The following DGKI variants were observed in gnomAD, a reference collection of about 807,000 sequenced individuals.
DGKI encodes diacylglycerol kinase iota, also known as DAG kinase iota.
A neutral mutation model predicts 147.5 loss-of-function variants in DGKI; 55 were observed. The observed-to-expected ratio is 0.37, with a 90% CI of 0.30 to 0.47. DGKI has a LOEUF of 0.47. Ranked by LOEUF, DGKI falls within the 20% of genes least tolerant of loss-of-function variation. The pLI is 1.00. For missense variants in DGKI, 1,007 were observed against 1,323.8 expected, an observed-to-expected ratio of 0.76 and a Z score of 3.71; for synonymous variants, 469 against 477.1, an observed-to-expected ratio of 0.98 and a Z score of 0.22.
chr7:137,442,979 T>C (rs957966292), intron 28 of DGKI, among the ~76,000 whole-genome samples: 1 of 152,072 alleles, frequency 6.6e-6, no homozygotes, highest in African/African-American at 2.4e-5. Flanking sequence ...AAACCATCTA[T>C]ATGGCAAAAG....
intron 19 of DGKI, among the ~76,000 whole-genome samples, chr7:137,557,300 AG>A (rs1333756533): frequency 7.0e-6 from 1 of 142,126 alleles, no homozygotes; most frequent in African/African-American, 2.8e-5. Context: ...TGGAAAGAAC[AG>A]GGGCAATGGA....
chr7:137,493,292 C>T (rs1287090280), intron 21 of DGKI, among the ~76,000 whole-genome samples: 1 of 152,194 alleles, frequency 6.6e-6, no homozygotes, highest in East Asian at 1.9e-4. Context: ...ACTATTACTG[C>T]CACTTGCAAA....
At position 137,465,891 on chromosome 7, in the gene DGKI, A is replaced by G; in HGVS notation, c.2612+17T>C. The G allele has an allele frequency of 1.2e-6, 2 of 1,612,590 alleles. No homozygotes were observed. The highest frequency in any genetic ancestry group is 1.7e-6 in the Non-Finnish European group (2 of 1,179,286). On this transcript the variant is annotated intron_variant, in intron 26 of 32. Transcript: ENST00000614521. Reference sequence around the variant, plus strand: ...CACCCTAAGGCCAGCCTCACAGGCCAGGAGAAGCACACTCACCCCGAGGCT... The same window carrying G: ...CACCCTAAGGCCAGCCTCACAGGCCGGGAGAAGCACACTCACCCCGAGGCT...
At chr7:137,440,083 C>T (rs1323572559) in intron 28 of DGKI, among the ~76,000 whole-genome samples, 1 of 152,176 alleles carries the variant, frequency 6.6e-6, no homozygotes, top group Non-Finnish European at 1.5e-5. Context: ...GATGAGTTCT[C>T]AGAGCCAGGG....
At chr7:137,765,515 G>A (rs1795989893) in intron 1 of DGKI, among the ~76,000 whole-genome samples, 1 of 152,166 alleles carries the variant, frequency 6.6e-6, no homozygotes, top group South Asian at 2.1e-4. Context: ...ACTGCCCAGA[G>A]CAAGTCCAAG....
intron 1 of DGKI, among the ~76,000 whole-genome samples, chr7:137,737,073 G>A (rs1795043317): frequency 6.6e-6 from 1 of 151,870 alleles, no homozygotes; most frequent in Non-Finnish European, 1.5e-5. Flanking sequence ...AAACGTGATT[G>A]GACAGCACGA....
chr7:137,530,732 A>C (rs1278107258), intron 20 of DGKI, among the ~76,000 whole-genome samples: 1 of 152,184 alleles, frequency 6.6e-6, no homozygotes, highest in East Asian at 1.9e-4. Flanking sequence ...TTAGGCCAGA[A>C]TCATTGGCCT....
At chr7:137,448,066 A>G (rs1317191110) in intron 27 of DGKI, among the ~76,000 whole-genome samples, 1 of 152,214 alleles carries the variant, frequency 6.6e-6, no homozygotes, top group Non-Finnish European at 1.5e-5. Context: ...AGTTTTAGGG[A>G]AACAGATAAT....
chr7:137,549,063 G>A (rs1381027381), intron 20 of DGKI, among the ~76,000 whole-genome samples: 3 of 152,186 alleles, frequency 2.0e-5, no homozygotes, highest in Admixed American at 6.6e-5. Flanking sequence ...AAGTAGAAGC[G>A]ACTGAGGGAA....
chr7:137,664,106 G>A (rs1407395484), intron 3 of DGKI, among the ~76,000 whole-genome samples: 3 of 152,206 alleles, frequency 2.0e-5, no homozygotes, highest in Non-Finnish European at 2.9e-5. Context: ...GCTGGGTGCA[G>A]TGATTCACGC....
chr7:137,836,205 C>A (rs1798376511), intron 1 of DGKI, among the ~76,000 whole-genome samples: 1 of 152,144 alleles, frequency 6.6e-6, no homozygotes, highest in Non-Finnish European at 1.5e-5. Context: ...CTGTTTTAAT[C>A]TTTAAATAGC....
At chr7:137,481,369 C>G (rs1225516777) in intron 23 of DGKI, among the ~76,000 whole-genome samples, 1 of 152,008 alleles carries the variant, frequency 6.6e-6, no homozygotes, top group South Asian at 2.1e-4. Context: ...CAGAAAGGAC[C>G]CTTATCAAAT....
intron 28 of DGKI, among the ~76,000 whole-genome samples, chr7:137,421,223 A>C (rs1812557050): frequency 6.6e-6 from 1 of 152,134 alleles, no homozygotes; most frequent in African/African-American, 2.4e-5. Context: ...CCCTGGGATT[A>C]ATCCATCAGT....
At chr7:137,496,844 C>T (rs1207153214) in intron 21 of DGKI, among the ~76,000 whole-genome samples, 16 of 151,936 alleles carry the variant, frequency 1.1e-4, no homozygotes, top group Admixed American at 1.0e-3. Flanking sequence ...CTATAAAAAC[C>T]CTGAATGATA....
intron 32 of DGKI, among the ~76,000 whole-genome samples, chr7:137,394,640 G>C (rs1247360205): frequency 6.6e-6 from 1 of 152,164 alleles, no homozygotes. Context: ...ATGCTATCAA[G>C]GTTGGCATAC....
intron 1 of DGKI, among the ~76,000 whole-genome samples, chr7:137,705,695 A>C: frequency 6.6e-6 from 1 of 152,158 alleles, no homozygotes; most frequent in Non-Finnish European, 1.5e-5. Context: ...GCATTTAAAT[A>C]TACCTTAATA....
intron 19 of DGKI, among the ~76,000 whole-genome samples, chr7:137,563,221 A>G (rs191924719): frequency 6.6e-6 from 1 of 152,158 alleles, no homozygotes; most frequent in East Asian, 1.9e-4. Flanking sequence ...TGTGATCAAA[A>G]GCTCTCAGGA....
intron 6 of DGKI, among the ~76,000 whole-genome samples, chr7:137,625,169 G>T (rs1211190242): frequency 6.6e-6 from 1 of 152,174 alleles, no homozygotes; most frequent in Non-Finnish European, 1.5e-5. Context: ...CCTTAAAAAG[G>T]CTGCTTGCAG....
chr7:137,614,011 G>A (rs886516773), intron 8 of DGKI, among the ~76,000 whole-genome samples: 3 of 152,114 alleles, frequency 2.0e-5, no homozygotes, highest in African/African-American at 7.2e-5. Context: ...CTGGTGAAAG[G>A]AGACTCTCTT....
Sources: allele counts gnomAD v4.1 joint callset (sites outside exome capture counted in the v4.1 genomes callset), GRCh38; gene constraint gnomAD v4.1.1; transcripts MANE v1.5; gene names NCBI Gene and HGNC (gene_info 2026-07-23, HGNC 2026-07-21).